Variants in PTK2 observed in about 807,000 individuals in gnomAD.
PTK2 encodes the protein focal adhesion kinase 1.
Under a neutral mutation model 150.1 loss-of-function variants are expected in PTK2, and 45 were observed. The ratio of observed to expected loss-of-function variants is 0.30; its 90% CI spans 0.24 to 0.38. PTK2 has a LOEUF of 0.38. Ranked by LOEUF, PTK2 falls within the 10% of genes least tolerant of loss-of-function variation. The pLI, the probability that PTK2 is intolerant of heterozygous loss-of-function variation, is 1.00. For synonymous variants in PTK2, 432 were observed against 449.2 expected, an observed-to-expected ratio of 0.96 and a Z score of 0.48; for missense variants, 919 against 1,307.3, an observed-to-expected ratio of 0.70 and a Z score of 4.58.
At chr8:140,769,734 C>A (rs908968398) in intron 14 of PTK2, 142 bp from the exon 16 acceptor site, 12 of 385,972 alleles carry the variant, frequency 3.1e-5, no homozygotes, top group Middle Eastern at 1.0e-3. Context: ...AAACAATTAC[C>A]CCCCAGGGTT....
chr8:140,840,680 A>G (rs1445989051), intron 7 of PTK2, among the ~76,000 whole-genome samples: 1 of 152,212 alleles, frequency 6.6e-6, no homozygotes, highest in Non-Finnish European at 1.5e-5. Context: ...ATACCAACTA[A>G]GAAATACACA....
intron 3 of PTK2, among the ~76,000 whole-genome samples, chr8:140,885,196 T>C (rs916727083): frequency 2.6e-5 from 4 of 152,228 alleles, no homozygotes; most frequent in Non-Finnish European, 5.9e-5. Context: ...GGTATGGCTT[T>C]GAATAGGTAT....
chr8:140,690,607 A>G (rs2100022592), intron 26 of PTK2, among the ~76,000 whole-genome samples: 1 of 152,280 alleles, frequency 6.6e-6, no homozygotes, highest in South Asian at 2.1e-4. Context: ...TGAAAAAATT[A>G]CAAATCACTC....
At chr8:140,771,704 A>G (rs1255215233) in intron 14 of PTK2, among the ~76,000 whole-genome samples, 1 of 152,128 alleles carries the variant, frequency 6.6e-6, no homozygotes, top group African/African-American at 2.4e-5. Context: ...TTGTCAATAT[A>G]TTAGCAACAG....
At chr8:140,785,938 C>A (rs1320737701) in intron 14 of PTK2, among the ~76,000 whole-genome samples, 1 of 152,198 alleles carries the variant, frequency 6.6e-6, no homozygotes, top group Non-Finnish European at 1.5e-5. Context: ...TACAGAAACA[C>A]AATTTTAAAT....
intron 10 of PTK2, among the ~76,000 whole-genome samples, chr8:140,804,285 C>T (rs1353763784): frequency 1.3e-5 from 2 of 150,174 alleles, no homozygotes; most frequent in African/African-American, 2.5e-5. Flanking sequence ...CACTCTCCTT[C>T]TTAAAAAGAA....
chr8:140,949,648 C>T (rs961488509), intron 1 of PTK2, among the ~76,000 whole-genome samples: 1 of 152,240 alleles, frequency 6.6e-6, no homozygotes, highest in Non-Finnish European at 1.5e-5. Context: ...ACTTTGGGCA[C>T]TGACAAGCAC....
chr8:140,701,847 C>G (rs552292196), intron 25 of PTK2, among the ~76,000 whole-genome samples: 7 of 151,936 alleles, frequency 4.6e-5, no homozygotes, highest in Non-Finnish European at 1.0e-4. Context: ...TAAAATATGA[C>G]CGGGTGTGGT....
chr8:140,714,301 T>G lies in PTK2; in HGVS notation c.2142+3297A>C, dbSNP rs552399157. Among the ~76,000 whole-genome samples, 285 of 152,248 alleles carry G rather than the reference T, an allele frequency of 1.9e-3. 1 individual carries two copies. Among genetic ancestry groups the G allele is most frequent in the African/African-American group, 6.5e-3 (271 of 41,544 alleles). ...ATTAAGCTACATTAAAATTTTTCTA[T>G]ATTAGTATTAATAACACAAAATTTA... On this transcript the variant is annotated intron_variant, in intron 23 of 31. Coordinates refer to ENST00000522684, the Ensembl canonical transcript of PTK2.
rs73369939 is a variant in PTK2, at chr8:140,706,667, G to A, written c.2143-462C>T. 3.4e-3 allele frequency among the ~76,000 whole-genome samples: 515 copies of A among 152,218 alleles called. 6 individuals are homozygous for A. Among genetic ancestry groups the A allele is most frequent in the African/African-American group, 0.012 (486 of 41,512 alleles). On this transcript the variant is annotated intron_variant, in intron 23 of 31. Coordinates refer to ENST00000522684, the Ensembl canonical transcript of PTK2. ...TGTAGTCACTATGGAAGACAGTATG[G>A]CTATTCCTTAAAAATTAAATAAAGA...
intron 2 of PTK2, among the ~76,000 whole-genome samples, chr8:140,894,775 G>C (rs2100155485): frequency 6.6e-6 from 1 of 152,218 alleles, no homozygotes; most frequent in African/African-American, 2.4e-5. Flanking sequence ...GTGTGACCAA[G>C]ATGGAAAGTA....
chr8:140,788,329 C>T, intron 14 of PTK2, among the ~76,000 whole-genome samples: 1 of 152,070 alleles, frequency 6.6e-6, no homozygotes. Flanking sequence ...TGTACAAATA[C>T]AAGCAAAAAT....
At chr8:140,927,958 G>GAAAAAAAAA (rs57931737) in intron 1 of PTK2, among the ~76,000 whole-genome samples, 3 of 63,634 alleles carry the variant, frequency 4.7e-5, no homozygotes, top group East Asian at 5.7e-4. Context: ...AAAAAAAAAA[G>GAAAAAAAAA]AAAAAAAAAA....
intron 10 of PTK2, among the ~76,000 whole-genome samples, chr8:140,810,029 G>A (rs1056865226): frequency 6.6e-6 from 1 of 152,166 alleles, no homozygotes; most frequent in African/African-American, 2.4e-5. Context: ...AGGAAGCTGG[G>A]AACCCTGCAA....
chr8:141,001,619 C>T (rs2100200281), upstream of PTK2, among the ~76,000 whole-genome samples: 1 of 152,148 alleles, frequency 6.6e-6, no homozygotes, highest in African/African-American at 2.4e-5. Context: ...CGGGATTAGA[C>T]GGACTTCGGG....
chr8:140,797,130 A>C (rs1294211864), intron 12 of PTK2, among the ~76,000 whole-genome samples: 5 of 97,044 alleles, frequency 5.2e-5, no homozygotes. Context: ...CAATGACACA[A>C]TCATGAGTCA....
At chr8:140,667,441 C>T (rs944301746) in intron 30 of PTK2, among the ~76,000 whole-genome samples, 4 of 142,484 alleles carry the variant, frequency 2.8e-5, no homozygotes, top group Non-Finnish European at 6.1e-5. Context: ...GACCTAGTGT[C>T]CTCTTTCTTT....
In PTK2 at chr8:140,818,988, T is replaced by C. The variant is rs202233329; in HGVS notation, c.681A>G (p.Thr227=). Reference sequence around the variant, plus strand: ...TATTAAGGTTGGCAAATTGTCTAAATGTTTGTTGGATCAGTTTTCTTAGTG... The same window carrying C: ...TATTAAGGTTGGCAAATTGTCTAAACGTTTGTTGGATCAGTTTTCTTAGTG... The change falls in exon 9 of 32, where the codon ACA becomes ACG. Residue 227 remains threonine, a synonymous_variant. Transcript: ENST00000522684. The C allele has an allele frequency of 3.7e-6, 6 of 1,613,448 alleles. No homozygotes were observed. In the East Asian group the frequency reaches 6.7e-5, roughly 18 times the overall value.
intron 4 of PTK2, among the ~76,000 whole-genome samples, chr8:140,871,816 CT>C (rs2100142696): frequency 6.6e-6 from 1 of 152,042 alleles, no homozygotes. Context: ...GAGTTTAAGG[CT>C]ACAGCGAGCT....
Sources: gnomAD v4.1 joint callset for allele counts (sites outside exome capture counted in the v4.1 genomes callset) on GRCh38, gnomAD v4.1.1 for gene constraint, MANE v1.5 for transcripts, NCBI Gene and HGNC (gene_info 2026-07-23, HGNC 2026-07-21) for gene names.